Variants in PTPN13 observed in about 807,000 individuals in gnomAD.
The protein encoded by PTPN13 is protein tyrosine phosphatase non-receptor type 13.
PTPN13 carries 191 observed loss-of-function variants against 284.0 expected under a neutral mutation model. The observed-to-expected ratio is 0.67, with a 90% CI of 0.60 to 0.76. The LOEUF is 0.76. Among genes scored for constraint, PTPN13 ranks in the 30% least tolerant of loss-of-function variants. PTPN13 has a pLI of 0.00. For synonymous variants in PTPN13, 986 were observed against 1,022.3 expected (o/e 0.96, Z 0.68); for missense variants, 2,797 against 2,939.9 (o/e 0.95, Z 1.12).
chr4:86,791,415 G>C (rs1742650766), intron 40 of PTPN13, among the ~76,000 whole-genome samples: 1 of 152,148 alleles, frequency 6.6e-6, no homozygotes, highest in Non-Finnish European at 1.5e-5. Flanking sequence ...TCCACCTCTG[G>C]GGGCAGGGCA....
chr4:86,615,852 ACT>A (rs1720488389), intron 1 of PTPN13, among the ~76,000 whole-genome samples: 1 of 151,998 alleles, frequency 6.6e-6, no homozygotes, highest in South Asian at 2.1e-4. Flanking sequence ...CATATCTCCT[ACT>A]CTCTTCCCCA....
intron 3 of PTPN13, among the ~76,000 whole-genome samples, chr4:86,678,053 A>G (rs533473571): frequency 2.0e-5 from 3 of 152,206 alleles, no homozygotes; most frequent in Non-Finnish European, 4.4e-5. Flanking sequence ...GTCCTACAGT[A>G]AGTAACCTAG....
At chr4:86,796,753 T>C in intron 40 of PTPN13, 121 bp from the exon 41 acceptor site, 1 of 656,398 alleles carries the variant, frequency 1.5e-6, no homozygotes, top group South Asian at 2.1e-5. Context: ...GTCATATGTG[T>C]CTTTGTAATA....
In PTPN13 at chr4:86,814,631, T is replaced by A; in HGVS notation, c.*80T>A. 3.4e-6 allele frequency: 4 copies of A among 1,163,148 alleles called. No individual in the cohort carries two copies. The South Asian group carries it at 4.2e-5, about 12-fold the overall frequency. 72.1% of individuals were successfully genotyped at this position (1,163,148 alleles called of 1,614,324 possible). On this transcript the variant is annotated 3_prime_UTR_variant, in exon 48 of 48. Transcript: ENST00000411767. ...TCCTGCTCTCTATCCAAAATAAAGATCACAGAGCAGCAAGTTCATACAACA... is the reference window on the plus strand; with the variant it reads ...TCCTGCTCTCTATCCAAAATAAAGAACACAGAGCAGCAAGTTCATACAACA...
chr4:86,616,136 CT>C (rs1397416980), intron 1 of PTPN13, among the ~76,000 whole-genome samples: 1 of 152,120 alleles, frequency 6.6e-6, no homozygotes, highest in African/African-American at 2.4e-5. Context: ...AGCAGTTGTC[CT>C]AGACATTTAG....
chr4:86,667,987 C>A (rs942578957), intron 2 of PTPN13, among the ~76,000 whole-genome samples: 1 of 152,052 alleles, frequency 6.6e-6, no homozygotes, highest in Non-Finnish European at 1.5e-5. Context: ...AATGGATGAA[C>A]ATAAAATGAT....
intron 1 of PTPN13, among the ~76,000 whole-genome samples, chr4:86,604,565 TTAAGAC>T (rs1161563231): frequency 9.2e-5 from 14 of 151,948 alleles, no homozygotes; most frequent in Admixed American, 4.6e-4. Flanking sequence ...ATAAGCTACT[TTAAGAC>T]TAAAATGGTT....
chr4:86,764,555 C>A, intron 24 of PTPN13, 38 bp from the exon 25 acceptor site: 1 of 1,335,144 alleles, frequency 7.5e-7, no homozygotes, highest in Non-Finnish European at 9.8e-7. Context: ...TTCATTTTGA[C>A]TCTAACAAGA....
intron 2 of PTPN13, among the ~76,000 whole-genome samples, chr4:86,653,659 A>G (rs1302124386): frequency 6.6e-6 from 1 of 152,216 alleles, no homozygotes; most frequent in East Asian, 1.9e-4. Flanking sequence ...TACTCCAAAC[A>G]TAAATTCAAC....
At chr4:86,748,161 A>G (rs1447733187) in intron 17 of PTPN13, among the ~76,000 whole-genome samples, 1 of 152,234 alleles carries the variant, frequency 6.6e-6, no homozygotes, top group Non-Finnish European at 1.5e-5. Context: ...TAAAAAGAGA[A>G]TATGATTAAG....
intron 17 of PTPN13, among the ~76,000 whole-genome samples, chr4:86,748,964 G>A (rs1737092709): frequency 6.6e-6 from 1 of 152,098 alleles, no homozygotes; most frequent in Non-Finnish European, 1.5e-5. Context: ...CTGATTATGG[G>A]AATTTTTAAC....
chr4:86,791,209 C>A (rs565673782), intron 40 of PTPN13, among the ~76,000 whole-genome samples: 1 of 152,322 alleles, frequency 6.6e-6, no homozygotes, highest in African/African-American at 2.4e-5. Flanking sequence ...TCTGGCTCAG[C>A]GGGTCCCAAG....
Position 86,610,321 on chromosome 4 carries a change from G to A in PTPN13, c.-6+15532G>A, listed in dbSNP as rs181771884. ...GCTTCCTACTATTGGTAGAAAATAA[G>A]AACTCTTTCAAAGTATCTTTCTAGG... is the stretch of plus-strand genomic sequence containing the variant. On this transcript the variant is annotated intron_variant, in intron 1 of 47. Coordinates refer to ENST00000411767, the MANE Select transcript of PTPN13 (RefSeq NM_080683.3). Among the ~76,000 whole-genome samples the A allele has an allele frequency of 8.5e-5, 13 of 152,306 alleles. 1 individual carries two copies. The highest frequency in any genetic ancestry group is 3.1e-4 in the African/African-American group (13 of 41,580).
chr4:86,774,265 CT>C, intron 32 of PTPN13, 107 bp from the exon 33 acceptor site: 2 of 1,110,538 alleles, frequency 1.8e-6, no homozygotes, highest in East Asian at 5.3e-5. Flanking sequence ...GTTAAGTAAC[CT>C]TTTAAGGTTT....
At chr4:86,627,248 G>C (rs186738737) in intron 1 of PTPN13, among the ~76,000 whole-genome samples, 1 of 152,124 alleles carries the variant, frequency 6.6e-6, no homozygotes, top group Non-Finnish European at 1.5e-5. Flanking sequence ...CAATAACGAT[G>C]TGAATATATT....
At chr4:86,650,344 C>T (rs1202410618) in intron 2 of PTPN13, among the ~76,000 whole-genome samples, 1 of 152,060 alleles carries the variant, frequency 6.6e-6, no homozygotes, top group Non-Finnish European at 1.5e-5. Flanking sequence ...TGGGGTCTCA[C>T]TCTGTCACCC....
At chr4:86,799,909 C>G (rs1743817967) in intron 42 of PTPN13, among the ~76,000 whole-genome samples, 1 of 137,896 alleles carries the variant, frequency 7.3e-6, no homozygotes, top group African/African-American at 2.7e-5. Flanking sequence ...ACAATCTTGG[C>G]TCACTGCAAC....
At chr4:86,624,544 G>A (rs1221575240) in intron 1 of PTPN13, among the ~76,000 whole-genome samples, 2 of 152,178 alleles carry the variant, frequency 1.3e-5, no homozygotes, top group Non-Finnish European at 2.9e-5. Context: ...TCAAGGATGA[G>A]CATGGTAAGG....
At chr4:86,812,195 A>G (rs1269768201) in intron 47 of PTPN13, among the ~76,000 whole-genome samples, 5 of 149,726 alleles carry the variant, frequency 3.3e-5, no homozygotes, top group East Asian at 3.9e-4. Flanking sequence ...CTGTAGTCCC[A>G]GCTACTTGGG....
Sources: gnomAD v4.1 joint callset for allele counts (sites outside exome capture counted in the v4.1 genomes callset) on GRCh38, gnomAD v4.1.1 for gene constraint, MANE v1.5 for transcripts, NCBI Gene and HGNC (gene_info 2026-07-23, HGNC 2026-07-21) for gene names.